Variants in TNRC6A observed in about 807,000 individuals in gnomAD.
TNRC6A encodes the protein trinucleotide repeat-containing gene 6A protein.
In TNRC6A, 44 loss-of-function variants were observed where a neutral mutation model predicts 221.2. The ratio of observed to expected loss-of-function variants is 0.20; its 90% CI spans 0.16 to 0.26. TNRC6A has a LOEUF of 0.26. Ranked by LOEUF, TNRC6A falls within the 10% of genes least tolerant of loss-of-function variation. The probability of loss-of-function intolerance (pLI) is 1.00; values close to 1 mark genes in which losing one functional copy is unlikely to be tolerated. For missense variants in TNRC6A, 2,199 were observed against 2,404.4 expected (o/e 0.91, Z 1.79); for synonymous variants, 847 against 838.5 (o/e 1.01, Z -0.18).
At chr16:24,720,928 A>C (rs948855833) in intron 2 of TNRC6A, among the ~76,000 whole-genome samples, 6 of 150,256 alleles carry the variant, frequency 4.0e-5, no homozygotes, top group African/African-American at 1.5e-4. Context: ...GGTGGCAGGC[A>C]CCTGTAGTCC....
intron 6 of TNRC6A, among the ~76,000 whole-genome samples, chr16:24,792,613 C>CTTTTTTTTTTTTTTTTTTTT (rs34670934): frequency 1.8e-5 from 1 of 56,514 alleles, no homozygotes; most frequent in African/African-American, 8.1e-5. Context: ...ACATTTATGG[C>CTTTTTTTTTTTTTTTTTTTT]TTTTTTTTTT....
chr16:24,646,467 A>G (rs1049338982), intron 2 of TNRC6A, among the ~76,000 whole-genome samples: 4 of 152,208 alleles, frequency 2.6e-5, no homozygotes, highest in African/African-American at 7.2e-5. Flanking sequence ...TACCCATGAC[A>G]CTTTCCATGG....
rs1171094173 is a variant in TNRC6A at position 24,825,387 on chromosome 16, T to C, written c.*1580T>C. The C allele has an allele frequency of 1.3e-5, 2 of 152,654 alleles. No individual in the cohort carries two copies. The highest frequency in any genetic ancestry group is 3.2e-3 in the Middle Eastern group (1 of 316). 9.5% of individuals were successfully genotyped at this position (152,654 alleles called of 1,614,324 possible). On this transcript the variant is annotated 3_prime_UTR_variant, in exon 25 of 25. Coordinates refer to ENST00000395799, the MANE Select transcript of TNRC6A (RefSeq NM_014494.4). ...TTACAAATAGAATGTGATTGTAAAA[T>C]GTACAGTTTGGTTGTGTTTGAATTA...
At chr16:24,822,640 G>T (rs2058788919) in intron 23 of TNRC6A, among the ~76,000 whole-genome samples, 1 of 152,140 alleles carries the variant, frequency 6.6e-6, no homozygotes. Context: ...GCCACAGTGG[G>T]GATCTGGGGA....
chr16:24,804,785 A>G lies in TNRC6A; in HGVS notation c.3918A>G (p.Ala1306=), dbSNP rs1157598240. ...QSMKLPPSNS[A]LPNQALGSIA... ...TGAAGCTTCCCCCTTCAAATAGTGC[A>G]CTACCTAACCAGGCCCTTGGCTCCA... Residue 1306 remains alanine (A), a synonymous_variant, in exon 13 of 25, where the codon GCA becomes GCG. Transcript: ENST00000395799. 9.3e-6 allele frequency: 15 copies of G among 1,609,682 alleles called. No homozygotes were observed. Among genetic ancestry groups the G allele is most frequent in the African/African-American group, 1.3e-5 (1 of 74,554 alleles).
At chr16:24,721,478 G>C (rs1271307107) in intron 2 of TNRC6A, among the ~76,000 whole-genome samples, 2 of 152,052 alleles carry the variant, frequency 1.3e-5, no homozygotes, top group African/African-American at 4.8e-5. Context: ...AGACTAGCCT[G>C]GGCAACATGA....
At chr16:24,799,088 G>A (rs1205635823) in intron 11 of TNRC6A, among the ~76,000 whole-genome samples, 3 of 152,198 alleles carry the variant, frequency 2.0e-5, no homozygotes, top group Admixed American at 6.5e-5. Context: ...AACCACTGGC[G>A]AGGTGAGCAT....
intron 18 of TNRC6A, among the ~76,000 whole-genome samples, chr16:24,813,979 G>A (rs1317524093): frequency 6.6e-6 from 1 of 152,160 alleles, no homozygotes; most frequent in Admixed American, 6.5e-5. Context: ...CTTCATTTAT[G>A]TCCCATTTCA....
chr16:24,672,421 C>T (rs892030597), intron 2 of TNRC6A, among the ~76,000 whole-genome samples: 1 of 151,264 alleles, frequency 6.6e-6, no homozygotes, highest in Non-Finnish European at 1.5e-5. Flanking sequence ...AGCCACCGCG[C>T]CTGGCCCTTT....
intron 2 of TNRC6A, among the ~76,000 whole-genome samples, chr16:24,676,909 C>T (rs57380517): frequency 0.026 from 3,945 of 152,168 alleles, 160 homozygotes; most frequent in African/African-American, 0.088. Flanking sequence ...TTTCCCCATG[C>T]GTTAGAAATT....
chr16:24,730,496 T>TA (rs371676645), intron 2 of TNRC6A, among the ~76,000 whole-genome samples, 196 bp downstream of exon 2: 2,217 of 135,164 alleles, frequency 0.016, 32 homozygotes, highest in Middle Eastern at 0.053. Flanking sequence ...TTTCTTTCTT[T>TA]AAAAAAAAAA....
chr16:24,646,930 A>G (rs1902322176), intron 2 of TNRC6A, among the ~76,000 whole-genome samples: 1 of 151,962 alleles, frequency 6.6e-6, no homozygotes, highest in African/African-American at 2.4e-5. Flanking sequence ...ATTTTTATTT[A>G]TTTATTCATT....
intron 1 of TNRC6A, among the ~76,000 whole-genome samples, chr16:24,618,370 A>T (rs551132136): frequency 1.3e-5 from 2 of 152,338 alleles, no homozygotes; most frequent in African/African-American, 4.8e-5. Flanking sequence ...TACTCCTGGT[A>T]GGCTCTCAGC....
At position 24,764,365 on chromosome 16, in the gene TNRC6A, C is replaced by T. The variant is rs368789287; in HGVS notation, c.163+6005C>T. Reference sequence around the variant, plus strand: ...TTTTTGAGACAGAGTCTTGCTCTGTCGCCCAGGCTGGAGTGCAGTGGCATG... The same window carrying T: ...TTTTTGAGACAGAGTCTTGCTCTGTTGCCCAGGCTGGAGTGCAGTGGCATG... On this transcript the variant is annotated intron_variant, in intron 4 of 24. Coordinates refer to ENST00000395799, the MANE Select transcript of TNRC6A (RefSeq NM_014494.4). 5.4e-5 allele frequency among the ~76,000 whole-genome samples: 8 copies of T among 149,518 alleles called. 1 individual carries two copies. The highest frequency in any genetic ancestry group is 1.2e-4 in the Non-Finnish European group (8 of 67,604).
intron 18 of TNRC6A, 117 bp downstream of exon 18, chr16:24,809,598 T>A: frequency 8.0e-7 from 1 of 1,256,438 alleles, no homozygotes; most frequent in Non-Finnish European, 1.0e-6. Flanking sequence ...TCTTAGAACT[T>A]TTCCTCATTT....
At chr16:24,638,050 G>A (rs1233036927) in intron 1 of TNRC6A, among the ~76,000 whole-genome samples, 1 of 152,174 alleles carries the variant, frequency 6.6e-6, no homozygotes, top group African/African-American at 2.4e-5. Context: ...CTCCCAAAGT[G>A]CTGGCATTAC....
At chr16:24,634,797 C>T (rs1459095666) in intron 1 of TNRC6A, among the ~76,000 whole-genome samples, 2 of 152,184 alleles carry the variant, frequency 1.3e-5, no homozygotes, top group African/African-American at 4.8e-5. Flanking sequence ...CAATCTTAGC[C>T]CTTTCTCATG....
At chr16:24,784,148 C>T (rs1181646988) in intron 5 of TNRC6A, among the ~76,000 whole-genome samples, 1 of 151,904 alleles carries the variant, frequency 6.6e-6, no homozygotes, top group Non-Finnish European at 1.5e-5. Context: ...ATTATTGGGG[C>T]CTGTTACCAC....
At position 24,790,798 on chromosome 16, in the gene TNRC6A, C is replaced by G; in HGVS notation, c.2156C>G (p.Ser719Cys). 1 of 1,614,136 alleles carries G rather than the reference C, an allele frequency of 6.2e-7. No homozygotes were observed. Among genetic ancestry groups the G allele is most frequent in the Middle Eastern group, 1.6e-4 (1 of 6,062 alleles). Residue 719 changes from serine (S) to cysteine (C), a missense_variant, in exon 6 of 25, where the codon TCC (serine) becomes TGC (cysteine). Physicochemically the swap from Ser to Cys is moderately radical, Grantham distance 112. Around this residue, in one of 8 missense-constraint regions of TNRC6A, gnomAD observed 1,405 missense variants for 1,400.2 expected, o/e 1.00. Coordinates refer to ENST00000395799, the MANE Select transcript of TNRC6A (RefSeq NM_014494.4). The part of the protein sequence containing the change: ...NRTDLDPRVL[S>C]NSGWGQTPIK... ...ACTGACTTAGATCCACGTGTCCTGTCCAACTCTGGTTGGGGACAGACTCCT... is the reference window on the plus strand; with the variant it reads ...ACTGACTTAGATCCACGTGTCCTGTGCAACTCTGGTTGGGGACAGACTCCT...
Sources: allele counts gnomAD v4.1 joint callset (sites outside exome capture counted in the v4.1 genomes callset), GRCh38; gene constraint gnomAD v4.1.1; regional missense constraint gnomAD v4.1.1; transcripts MANE v1.5; gene names NCBI Gene and HGNC (gene_info 2026-07-23, HGNC 2026-07-21).